Variants in NOD2 observed in about 807,000 individuals in gnomAD.
The protein encoded by NOD2 is nucleotide-binding oligomerization domain-containing protein 2.
A neutral mutation model predicts 90.9 loss-of-function variants in NOD2; 86 were observed. The ratio of observed to expected loss-of-function variants is 0.95; its 90% CI spans 0.79 to 1.13. NOD2 has a LOEUF of 1.13. Ranked by LOEUF, NOD2 falls within the 50% of genes most tolerant of loss-of-function variation. The pLI, the probability that NOD2 is intolerant of heterozygous loss-of-function variation, is 0.00. For missense variants in NOD2, 1,238 were observed against 1,283.8 expected (o/e 0.96, Z 0.55); for synonymous variants, 581 against 554.6 (o/e 1.05, Z -0.67).
intron 9 of NOD2, 148 bp downstream of exon 9, chr16:50,723,532 T>C: frequency 1.4e-6 from 1 of 734,518 alleles, no homozygotes; most frequent in South Asian, 1.5e-5. Context: ...TCTTTATATG[T>C]ACTGAGTGGT....
chr16:50,722,336 C>T (rs1965096679), intron 7 of NOD2, among the ~76,000 whole-genome samples: 1 of 152,228 alleles, frequency 6.6e-6, no homozygotes, highest in Admixed American at 6.5e-5. Context: ...TTACTCTTGT[C>T]AGTGAGTTCC....
At chr16:50,707,607 T>C (rs1464672479) in intron 2 of NOD2, among the ~76,000 whole-genome samples, 1 of 152,198 alleles carries the variant, frequency 6.6e-6, no homozygotes, top group East Asian at 1.9e-4. Context: ...CTTCATTTTG[T>C]TTCATTTATT....
Position 50,711,600 on chromosome 16 carries a change from C to G in NOD2, c.1608C>G (p.Tyr536Ter). 6.2e-7 allele frequency: 1 copy of G among 1,611,536 alleles called. No individual in the cohort carries two copies. The highest frequency in any genetic ancestry group is 8.5e-7 in the Non-Finnish European group (1 of 1,180,012). The change falls in exon 4 of 12, where the codon TAC (tyrosine) becomes TAG (stop). Residue 536 changes from tyrosine to a stop codon, truncating the protein, a stop_gained. Transcript: ENST00000647318. LOFTEE classifies it high-confidence loss of function. ...LALWGLGMCC[Y>*]VFSAQQLQAA... ...TGTGGGGCCTGGGCATGTGCTGCTA[C>G]GTGTTCTCAGCCCAGCAGCTCCAGG...
intron 10 of NOD2, chr16:50,727,693 A>G: frequency 5.4e-6 from 2 of 369,772 alleles, no homozygotes; most frequent in South Asian, 4.3e-5. Flanking sequence ...TCAACTTTTG[A>G]AGCTTTGGTT....
Position 50,711,418 on chromosome 16 carries a change from G to A in NOD2, c.1426G>A (p.Glu476Lys). 1 of 1,613,614 alleles carries A rather than the reference G, an allele frequency of 6.2e-7. No homozygotes were observed. The highest frequency in any genetic ancestry group is 1.1e-5 in the South Asian group (1 of 91,086). ...ATGCCACCAGGAACTGTTGCTGCAG[G>A]AGGGGGGGTCCCCAAAGACCACTAC... ...SKCHQELLLQ[E>K]GGSPKTTTDM... The change falls in exon 4 of 12, where the codon GAG becomes AAG. Residue 476 changes from glutamate (E) to lysine (K), a missense_variant. Around this residue, in one of 3 missense-constraint regions of NOD2, gnomAD observed 667 missense variants for 688.7 expected, o/e 0.97. Transcript: ENST00000647318.
chr16:50,712,878 G>A (rs759880217), intron 4 of NOD2: 1 of 180,728 alleles, frequency 5.5e-6, no homozygotes, highest in Non-Finnish European at 1.2e-5. Flanking sequence ...GAGGTGACTT[G>A]TGCCCCATCA....
In NOD2 at chr16:50,710,794, G is replaced by A. The variant is rs778114969; in HGVS notation, c.802G>A (p.Val268Met). 6 of 1,614,052 alleles carry A rather than the reference G, an allele frequency of 3.7e-6. No homozygotes were observed. The African/African-American group carries it at 6.7e-5, about 18-fold the overall frequency. Residue 268 changes from valine to methionine, a missense_variant, in exon 4 of 12, where the codon GTG becomes ATG. Transcript: ENST00000647318. ...PGHLNDDADT[V>M]LVVGEAGSGK... Reference sequence around the variant, plus strand: ...CCACCTCAATGACGATGCGGACACTGTGCTGGTGGTGGGTGAGGCGGGCAG... The same window carrying A: ...CCACCTCAATGACGATGCGGACACTATGCTGGTGGTGGGTGAGGCGGGCAG...
Position 50,731,829 on chromosome 16 carries a change from G to T in NOD2, c.*10G>T. ...CAGACTCTTGCTTTGAAGTCTCCGG[G>T]AGGATGTTCGTCTCAGTTTGTTTGT... On this transcript the variant is annotated 3_prime_UTR_variant, in exon 12 of 12. Coordinates refer to ENST00000647318, the MANE Select transcript of NOD2 (RefSeq NM_001370466.1). 1 of 1,608,492 alleles carries T rather than the reference G, an allele frequency of 6.2e-7. No individual in the cohort carries two copies. The highest frequency in any genetic ancestry group is 8.5e-7 in the Non-Finnish European group (1 of 1,175,064).
At chr16:50,724,146 A>G (rs1158751192) in intron 9 of NOD2, among the ~76,000 whole-genome samples, 1 of 152,172 alleles carries the variant, frequency 6.6e-6, no homozygotes, top group African/African-American at 2.4e-5. Context: ...GCAGCTTCAG[A>G]TTATGTCAGG....
At chr16:50,719,799 T>C (rs1191762746) in intron 6 of NOD2, 126 bp from the exon 7 acceptor site, 1 of 833,580 alleles carries the variant, frequency 1.2e-6, no homozygotes, top group Non-Finnish European at 2.1e-6. Context: ...GGGCACCTGA[T>C]GTGGCTGCTG....
At chr16:50,697,552 C>G (rs927555934) in intron 1 of NOD2, 1 of 609,936 alleles carries the variant, frequency 1.6e-6, no homozygotes, top group Non-Finnish European at 3.0e-6. Flanking sequence ...ACTCCAGGGC[C>G]AAGCCCAGAG....
At chr16:50,698,654 T>C (rs185362389) in intron 1 of NOD2, among the ~76,000 whole-genome samples, 1 of 152,242 alleles carries the variant, frequency 6.6e-6, no homozygotes, top group African/African-American at 2.4e-5. Flanking sequence ...CTGTGACACA[T>C]CGTACAAATC....
intron 2 of NOD2, among the ~76,000 whole-genome samples, chr16:50,705,950 G>A (rs573535215): frequency 8.6e-4 from 131 of 152,342 alleles, no homozygotes; most frequent in African/African-American, 2.5e-3. Context: ...AAATTACAGC[G>A]TGTGCTAGAA....
chr16:50,719,628 C>T, intron 6 of NOD2: 1 of 522,924 alleles, frequency 1.9e-6, no homozygotes, highest in Non-Finnish European at 3.6e-6. Flanking sequence ...CCTGAGTCAC[C>T]CTCGCTGTCC....
intron 4 of NOD2, among the ~76,000 whole-genome samples, chr16:50,715,098 C>T (rs1056820967): frequency 6.6e-6 from 1 of 152,122 alleles, no homozygotes; most frequent in African/African-American, 2.4e-5. Context: ...CATAAGAGGC[C>T]CTGAGGGAGA....
intron 6 of NOD2, among the ~76,000 whole-genome samples, chr16:50,719,323 G>T (rs1964936499): frequency 6.6e-6 from 1 of 152,186 alleles, no homozygotes; most frequent in African/African-American, 2.4e-5. Context: ...GGAAGCCTAG[G>T]GTTGCAGGTG....
At position 50,723,085 on chromosome 16, in the gene NOD2, TAA is replaced by T. The variant is rs11292073; in HGVS notation, c.2718-201_2718-200del. 5.5e-3 allele frequency among the ~76,000 whole-genome samples: 638 copies of T among 116,912 alleles called. 5 individuals carry two copies. Among genetic ancestry groups the T allele is most frequent in the African/African-American group, 0.012 (363 of 31,262 alleles). 76.7% of individuals were successfully genotyped at this position (116,912 alleles called of 152,430 possible). A position where few individuals can be genotyped will look rare whatever the true frequency, so the allele number is the denominator to read the frequency against. Reference sequence around the variant, plus strand: ...ATCAATTAGTGATGTCTAAAAAAGCTAAAAAAAAAAAAAAAAGAGCACTGCAT... The same window carrying T: ...ATCAATTAGTGATGTCTAAAAAAGCTAAAAAAAAAAAAAAGAGCACTGCAT... On this transcript the variant is annotated intron_variant, in intron 8 of 11. Transcript: ENST00000647318.
At chr16:50,730,654 G>C (rs1433171328) in intron 11 of NOD2, among the ~76,000 whole-genome samples, 1 of 152,162 alleles carries the variant, frequency 6.6e-6, no homozygotes, top group Non-Finnish European at 1.5e-5. Flanking sequence ...TTTCTCAAAA[G>C]AGCTGGGAAC....
intron 6 of NOD2, among the ~76,000 whole-genome samples, chr16:50,717,492 C>T (rs1042309515): frequency 6.6e-6 from 1 of 152,164 alleles, no homozygotes; most frequent in Admixed American, 6.5e-5. Flanking sequence ...TTTAAATTGC[C>T]CCTCTAGCTG....
Sources: gnomAD v4.1 joint callset for allele counts (sites outside exome capture counted in the v4.1 genomes callset) on GRCh38, gnomAD v4.1.1 for gene constraint, gnomAD v4.1.1 regional missense constraint, MANE v1.5 for transcripts, NCBI Gene and HGNC (gene_info 2026-07-23, HGNC 2026-07-21) for gene names.